The following GMDS variants were observed in gnomAD, a reference collection of about 807,000 sequenced individuals.
The protein encoded by GMDS is GDP-mannose 4,6 dehydratase.
Under a neutral mutation model 49.9 loss-of-function variants are expected in GMDS, and 20 were observed. The ratio of observed to expected loss-of-function variants is 0.40; its 90% CI spans 0.28 to 0.58. The LOEUF (loss-of-function observed/expected upper bound fraction) is 0.58. Ranked by LOEUF, GMDS falls within the 20% of genes least tolerant of loss-of-function variation. GMDS has a pLI of 0.42. For synonymous variants in GMDS, 177 were observed against 178.6 expected, an observed-to-expected ratio of 0.99 and a Z score of 0.07; for missense variants, 362 against 481.4, an observed-to-expected ratio of 0.75 and a Z score of 2.32.
intron 7 of GMDS, among the ~76,000 whole-genome samples, chr6:1,871,203 G>C (rs1758726642): frequency 6.6e-6 from 1 of 152,120 alleles, no homozygotes; most frequent in African/African-American, 2.4e-5. Context: ...CCTCCAGCTG[G>C]GACCTGTTTG....
At chr6:2,041,890 A>C (rs1311404432) in intron 4 of GMDS, among the ~76,000 whole-genome samples, 1 of 152,210 alleles carries the variant, frequency 6.6e-6, no homozygotes, top group African/African-American at 2.4e-5. Flanking sequence ...AAAAGAAGAT[A>C]TGTGTCCAAG....
chr6:1,741,023 G>A (rs1241071879), intron 8 of GMDS, among the ~76,000 whole-genome samples: 8 of 152,096 alleles, frequency 5.3e-5, no homozygotes, highest in Non-Finnish European at 1.2e-4. Flanking sequence ...CTCTTTTTCT[G>A]AGTGTTCTTA....
rs568170124 is a variant in GMDS, at chr6:1,623,974, C to T, written c.*195G>A. Reference sequence around the variant, plus strand: ...TTCGACAAACGCAAAGCGACCCAAACCCTGGAGGGTCACATCCCGGCTGCT... The same window carrying T: ...TTCGACAAACGCAAAGCGACCCAAATCCTGGAGGGTCACATCCCGGCTGCT... On this transcript the variant is annotated 3_prime_UTR_variant, in exon 11 of 11. Coordinates refer to ENST00000380815, the MANE Select transcript of GMDS (RefSeq NM_001500.4). 6.3e-5 allele frequency: 35 copies of T among 555,234 alleles called. No individual in the cohort carries two copies. Among genetic ancestry groups the T allele is most frequent in the African/African-American group, 6.2e-4 (32 of 51,646 alleles). The allele number at this position is 555,234 out of a possible 1,614,324, so 34.4% of individuals were successfully genotyped here. A position where few individuals can be genotyped will look rare whatever the true frequency, so the allele number is the denominator to read the frequency against.
intron 7 of GMDS, among the ~76,000 whole-genome samples, chr6:1,824,104 C>T (rs1771005718): frequency 6.6e-6 from 1 of 152,116 alleles, no homozygotes; most frequent in South Asian, 2.1e-4. Flanking sequence ...CCAGCAACTC[C>T]AACTAGTGCA....
At chr6:1,898,027 C>A (rs1415097170) in intron 7 of GMDS, among the ~76,000 whole-genome samples, 1 of 123,528 alleles carries the variant, frequency 8.1e-6, no homozygotes, top group African/African-American at 2.9e-5. Flanking sequence ...CCCTTGCCAT[C>A]CTGGACACCT....
intron 4 of GMDS, among the ~76,000 whole-genome samples, chr6:1,996,733 C>T (rs1048724255): frequency 1.3e-5 from 2 of 152,038 alleles, no homozygotes; most frequent in African/African-American, 4.8e-5. Flanking sequence ...TCATTTCTAC[C>T]TAAAAGTGAT....
chr6:2,194,434 CACAT>C (rs1323892165), intron 1 of GMDS, among the ~76,000 whole-genome samples: 1 of 152,178 alleles, frequency 6.6e-6, no homozygotes, highest in East Asian at 1.9e-4. Flanking sequence ...TAAACATACA[CACAT>C]ACATATATAG....
At chr6:1,999,933 AT>A (rs1387072682) in intron 4 of GMDS, among the ~76,000 whole-genome samples, 1 of 77,964 alleles carries the variant, frequency 1.3e-5, no homozygotes, top group Admixed American at 2.3e-4. Context: ...ATTATATATT[AT>A]TATATATAAT....
At chr6:2,202,130 G>A (rs1214807519) in intron 1 of GMDS, among the ~76,000 whole-genome samples, 1 of 142,828 alleles carries the variant, frequency 7.0e-6, no homozygotes, top group Non-Finnish European at 1.5e-5. Context: ...GGCAGTGAGG[G>A]CAGCATGTTA....
intron 7 of GMDS, among the ~76,000 whole-genome samples, chr6:1,771,912 A>G (rs967927222): frequency 2.6e-5 from 4 of 152,238 alleles, no homozygotes; most frequent in Admixed American, 1.3e-4. Context: ...ACATATATCT[A>G]GGAGGCAATC....
chr6:2,127,342 T>C (rs901677770), intron 1 of GMDS, among the ~76,000 whole-genome samples: 1 of 152,160 alleles, frequency 6.6e-6, no homozygotes, highest in Non-Finnish European at 1.5e-5. Context: ...ACACTATACT[T>C]CTAATCATTC....
chr6:1,692,861 T>TTTGA (rs1382913275), intron 9 of GMDS, among the ~76,000 whole-genome samples: 1 of 152,226 alleles, frequency 6.6e-6, no homozygotes, highest in African/African-American at 2.4e-5. Flanking sequence ...CTGGGTTGAT[T>TTTGA]TTGATTGGTT....
chr6:2,203,594 G>T (rs1779651662), intron 1 of GMDS, among the ~76,000 whole-genome samples: 1 of 152,020 alleles, frequency 6.6e-6, no homozygotes. Context: ...TATGTGTCCA[G>T]ATTTTTTAAA....
chr6:1,659,607 G>A (rs1365106865), intron 9 of GMDS, among the ~76,000 whole-genome samples: 3 of 152,154 alleles, frequency 2.0e-5, no homozygotes, highest in African/African-American at 7.2e-5. Context: ...AGTGGACCAA[G>A]GGCAGATGCC....
chr6:2,202,974 T>G (rs1241521581), intron 1 of GMDS, among the ~76,000 whole-genome samples: 3 of 152,170 alleles, frequency 2.0e-5, no homozygotes, highest in Non-Finnish European at 4.4e-5. Context: ...TGCACCCCCT[T>G]TGGCCAGAAG....
intron 9 of GMDS, among the ~76,000 whole-genome samples, chr6:1,666,398 A>G (rs1187772506): frequency 6.6e-6 from 1 of 152,132 alleles, no homozygotes; most frequent in African/African-American, 2.4e-5. Context: ...AAATATGGTT[A>G]AGTGCTAAGT....
intron 7 of GMDS, among the ~76,000 whole-genome samples, chr6:1,756,012 C>G (rs1246504193): frequency 6.6e-6 from 1 of 152,208 alleles, no homozygotes; most frequent in African/African-American, 2.4e-5. Flanking sequence ...ATCTATCCAT[C>G]TGACAAAGGG....
At chr6:2,239,788 CCA>C (rs1781528883) in intron 1 of GMDS, among the ~76,000 whole-genome samples, 1 of 152,198 alleles carries the variant, frequency 6.6e-6, no homozygotes. Context: ...CGGGTTCACC[CCA>C]CTCTCCTGCC....
At chr6:2,141,024 A>G (rs1776258892) in intron 1 of GMDS, among the ~76,000 whole-genome samples, 1 of 152,222 alleles carries the variant, frequency 6.6e-6, no homozygotes, top group South Asian at 2.1e-4. Context: ...GAAATGACAT[A>G]AAAGAATGAA....
Sources: allele counts gnomAD v4.1 joint callset (sites outside exome capture counted in the v4.1 genomes callset), GRCh38; gene constraint gnomAD v4.1.1; transcripts MANE v1.5; gene names NCBI Gene and HGNC (gene_info 2026-07-23, HGNC 2026-07-21).